Variants in PDE9A observed in about 807,000 individuals in gnomAD.
The protein encoded by PDE9A is phosphodiesterase 9A.
A neutral mutation model predicts 87.4 loss-of-function variants in PDE9A; 60 were observed. That is an observed-to-expected ratio of 0.69 (90% CI 0.56 to 0.85). The LOEUF (loss-of-function observed/expected upper bound fraction) is 0.85. PDE9A is among the 40% of genes least tolerant of loss of function. The pLI is 0.00. For synonymous variants in PDE9A, 272 were observed against 279.4 expected (o/e 0.97, Z 0.27); for missense variants, 665 against 779.0 (o/e 0.85, Z 1.74).
At chr21:42,672,061 A>G (rs2058591787) in intron 1 of PDE9A, among the ~76,000 whole-genome samples, 1 of 152,266 alleles carries the variant, frequency 6.6e-6, no homozygotes. Flanking sequence ...TTCACAGTCT[A>G]GGATAGAGAA....
intron 4 of PDE9A, among the ~76,000 whole-genome samples, chr21:42,716,587 A>C (rs1001535587): frequency 3.2e-4 from 48 of 151,426 alleles, no homozygotes; most frequent in Admixed American, 3.2e-3. Flanking sequence ...AACTTTTCAC[A>C]ATCTATTTAG....
chr21:42,690,204 GAGA>G lies in PDE9A; in HGVS notation c.218+2214_218+2216del, dbSNP rs139777398. The G allele has an allele frequency of 2.5e-3, 1,138 of 457,022 alleles. 35 individuals are homozygous for G. Among genetic ancestry groups the G allele is most frequent in the African/African-American group, 0.024 (1,052 of 43,762 alleles). The allele number at this position is 457,022 out of a possible 1,614,324, so 28.3% of individuals were successfully genotyped here. A position where few individuals can be genotyped will look rare whatever the true frequency, so the allele number is the denominator to read the frequency against. On this transcript the variant is annotated intron_variant, in intron 3 of 19. Coordinates refer to ENST00000291539, the MANE Select transcript of PDE9A (RefSeq NM_002606.3). Reference sequence around the variant, plus strand: ...GTAGACGCGGATGAGGACACAGGTGGAGAAGATGGAGGTAGACGCGGATGAGGA... The same window carrying G: ...GTAGACGCGGATGAGGACACAGGTGGAGATGGAGGTAGACGCGGATGAGGA...
chr21:42,688,024 T>C, intron 3 of PDE9A, 30 bp downstream of exon 3: 1 of 1,573,592 alleles, frequency 6.4e-7, no homozygotes, highest in Non-Finnish European at 8.7e-7. Context: ...CTCCTCGGGG[T>C]GTGCCTGGCA....
At chr21:42,752,143 C>T (rs1352275370) in intron 9 of PDE9A, among the ~76,000 whole-genome samples, 9 of 152,314 alleles carry the variant, frequency 5.9e-5, no homozygotes, top group Admixed American at 2.6e-4. Flanking sequence ...CCACTGCCTG[C>T]GGTTCAAGTG....
rs1444293993 is a variant in PDE9A, at chr21:42,705,799, C to G, written c.262+6788C>G. ...GGGTCTGGTTCTGCTTGTTCTCCCC[C>G]ACATTCCTGCCTGCCCTAGGACCCA... On this transcript the variant is annotated intron_variant, in intron 4 of 19. Coordinates refer to ENST00000291539, the MANE Select transcript of PDE9A (RefSeq NM_002606.3). The surrounding 1 kb of genome is among the most constrained non-coding windows in gnomAD (Gnocchi z 4.3). Among the ~76,000 whole-genome samples the G allele has an allele frequency of 2.2e-4, 33 of 152,128 alleles. No individual in the cohort carries two copies. The highest frequency in any genetic ancestry group is 2.2e-3 in the Admixed American group (33 of 15,278).
intron 4 of PDE9A, chr21:42,700,690 A>G (rs1467398509): frequency 2.3e-4 from 35 of 152,350 alleles, no homozygotes; most frequent in Non-Finnish European, 4.4e-5. Flanking sequence ...TTTTCTCTAC[A>G]CAGATATTCA....
Position 42,765,693 on chromosome 21 carries a change from A to G in PDE9A, c.1356+199A>G, listed in dbSNP as rs377194902. On this transcript the variant is annotated intron_variant, in intron 15 of 19. Coordinates refer to ENST00000291539, the MANE Select transcript of PDE9A (RefSeq NM_002606.3). ...CCTCCCTCCTGATGGGTCCTCCTTC[A>G]TGGTCAGAGGCAGCATTCTCCCATT... 121 of 571,408 alleles carry G rather than the reference A, an allele frequency of 2.1e-4. 1 individual carries two copies. Among genetic ancestry groups the G allele is most frequent in the African/African-American group, 1.6e-3 (84 of 53,320 alleles). The allele number at this position is 571,408 out of a possible 1,614,324, so 35.4% of individuals were successfully genotyped here. A position where few individuals can be genotyped will look rare whatever the true frequency, so the allele number is the denominator to read the frequency against.
At position 42,675,633 on chromosome 21, in the gene PDE9A, T is replaced by G. The variant is rs116877055; in HGVS notation, c.70-10559T>G. 4.3e-3 allele frequency among the ~76,000 whole-genome samples: 652 copies of G among 152,330 alleles called. 4 individuals are homozygous for G. Among genetic ancestry groups the G allele is most frequent in the Non-Finnish European group, 7.4e-3 (506 of 68,024 alleles). On this transcript the variant is annotated intron_variant, in intron 1 of 19. Coordinates refer to ENST00000291539, the MANE Select transcript of PDE9A (RefSeq NM_002606.3). The surrounding 1 kb of genome is among the most constrained non-coding windows in gnomAD (Gnocchi z 4.3). ...GCCAGCCTCACTGCCTCTGCGTTAGTGCCGCCACTTCATCTCAGATACTCT... is the reference window on the plus strand; with the variant it reads ...GCCAGCCTCACTGCCTCTGCGTTAGGGCCGCCACTTCATCTCAGATACTCT...
chr21:42,674,522 G>A (rs1380002926), intron 1 of PDE9A, among the ~76,000 whole-genome samples: 6 of 152,008 alleles, frequency 3.9e-5, no homozygotes, highest in African/African-American at 1.4e-4. Context: ...CCAGCCCCTG[G>A]CCTTTGTAAA....
chr21:42,716,107 A>G (rs1302504196), intron 4 of PDE9A, among the ~76,000 whole-genome samples: 1 of 151,902 alleles, frequency 6.6e-6, no homozygotes. Context: ...GTCTGTATGT[A>G]TCACAGTTTA....
At chr21:42,673,637 A>C (rs1042536566) in intron 1 of PDE9A, among the ~76,000 whole-genome samples, 2 of 152,258 alleles carry the variant, frequency 1.3e-5, no homozygotes, top group African/African-American at 4.8e-5. Context: ...TAATGGGAAC[A>C]AGAGGGTTCT....
At chr21:42,736,357 C>T (rs964323688) in intron 7 of PDE9A, among the ~76,000 whole-genome samples, 24 of 152,228 alleles carry the variant, frequency 1.6e-4, no homozygotes, top group African/African-American at 5.8e-4. Flanking sequence ...GCAGGTGAGT[C>T]GAAGACCACT....
intron 7 of PDE9A, among the ~76,000 whole-genome samples, chr21:42,737,528 T>C (rs1363663160): frequency 5.3e-5 from 8 of 152,188 alleles, no homozygotes; most frequent in Admixed American, 2.0e-4. Context: ...GGCGTGATCT[T>C]GGCTCACTGC....
chr21:42,726,790 A>C (rs2051165655), intron 4 of PDE9A, among the ~76,000 whole-genome samples: 1 of 150,172 alleles, frequency 6.7e-6, no homozygotes, highest in South Asian at 2.1e-4. Context: ...CAGTGTCTAC[A>C]TGGTCATTGC....
intron 1 of PDE9A, among the ~76,000 whole-genome samples, chr21:42,676,838 C>T (rs1357610233): frequency 4.6e-5 from 7 of 152,058 alleles, no homozygotes; most frequent in African/African-American, 1.2e-4. Context: ...GTCAGTTTGA[C>T]GTTTATAATT....
At chr21:42,699,123 T>C in intron 4 of PDE9A, 112 bp downstream of exon 4, 3 of 716,688 alleles carry the variant, frequency 4.2e-6, no homozygotes, top group East Asian at 2.6e-5. Context: ...ATTTGAAATA[T>C]ATATGAGTTA....
intron 1 of PDE9A, among the ~76,000 whole-genome samples, chr21:42,670,375 CACATTCACAT>C (rs1348379155): frequency 7.9e-6 from 1 of 126,440 alleles, no homozygotes; most frequent in East Asian, 2.4e-4. Flanking sequence ...CACATTCACA[CACATTCACAT>C]TTACATTCAC....
At chr21:42,764,505 G>A (rs1368341601) in intron 14 of PDE9A, among the ~76,000 whole-genome samples, 3 of 152,204 alleles carry the variant, frequency 2.0e-5, no homozygotes, top group Admixed American at 6.5e-5. Context: ...GCAAGTGAAC[G>A]CCCCTTAGTG....
Position 42,775,322 on chromosome 21 carries a change from G to A in PDE9A, c.*29G>A, listed in dbSNP as rs2057408756. 1 of 1,607,544 alleles carries A rather than the reference G, an allele frequency of 6.2e-7. No individual in the cohort carries two copies. Among genetic ancestry groups the A allele is most frequent in the Non-Finnish European group, 8.5e-7 (1 of 1,176,974 alleles). The stretch of plus-strand genomic sequence containing the variant: ...AAGCGGGGGGCGTGGCTGCAGTTCT[G>A]GACGGGCTGGCCGAGCTGCGCGGGA... On this transcript the variant is annotated 3_prime_UTR_variant, in exon 20 of 20. Coordinates refer to ENST00000291539, the MANE Select transcript of PDE9A (RefSeq NM_002606.3).
Sources: gnomAD v4.1 joint callset for allele counts (sites outside exome capture counted in the v4.1 genomes callset) on GRCh38, gnomAD v4.1.1 for gene constraint, Gnocchi (gnomAD v3.1) non-coding constraint, MANE v1.5 for transcripts, NCBI Gene and HGNC (gene_info 2026-07-23, HGNC 2026-07-21) for gene names.